Variants in PROB1 observed in about 807,000 individuals in gnomAD.
The protein encoded by PROB1 is proline-rich basic protein 1.
For synonymous variants in PROB1, 660 were observed against 699.3 expected, an observed-to-expected ratio of 0.94 and a Z score of 0.89; for missense variants, 1,453 against 1,485.7, an observed-to-expected ratio of 0.98 and a Z score of 0.36.
Position 139,391,756 on chromosome 5 carries a change from A to T in PROB1, c.*278T>A. ...TTTGCTTGCCCGCATATACACATATACACACACCCACACACCACACCACAC... is the reference window on the plus strand; with the variant it reads ...TTTGCTTGCCCGCATATACACATATTCACACACCCACACACCACACCACAC... On this transcript the variant is annotated 3_prime_UTR_variant, in exon 1 of 1. Coordinates refer to ENST00000434752, the MANE Select transcript of PROB1 (RefSeq NM_001161546.2). This position sits in a 1 kb window ranked among gnomAD's most constrained non-coding sequence, Gnocchi z 4.8. 1 of 362,434 alleles carries T rather than the reference A, an allele frequency of 2.8e-6. No homozygotes were observed. Among genetic ancestry groups the T allele is most frequent in the Non-Finnish European group, 4.9e-6 (1 of 202,484 alleles). 22.5% of individuals were successfully genotyped at this position (362,434 alleles called of 1,614,324 possible).
Position 139,393,957 on chromosome 5 carries a change from A to G in PROB1, c.1125T>C (p.Phe375=), listed in dbSNP as rs898099671. 4.8e-5 allele frequency: 74 copies of G among 1,550,554 alleles called. No homozygotes were observed. The Admixed American group carries it at 1.4e-3, about 30-fold the overall frequency. Residue 375 remains phenylalanine, a synonymous_variant, in exon 1 of 1, where the codon TTT becomes TTC. Transcript: ENST00000434752. The stretch of plus-strand genomic sequence containing the variant: ...GAACCTCCGAGGGGATCCTACACTC[A>G]AAAGGCGGACTCCGTGCCCTCTGAA... ...RTVQRARSPP[F]ECRIPSEVPS...
In PROB1 at chr5:139,392,354, T is replaced by C; in HGVS notation, c.2728A>G (p.Ser910Gly). Reference sequence around the variant, plus strand: ...AGCAACACCTCCACGTACTGCCCACTCTCAGGGTCGAAGAGCACCCGCAGC... The same window carrying C: ...AGCAACACCTCCACGTACTGCCCACCCTCAGGGTCGAAGAGCACCCGCAGC... ...PRLRVLFDPE[S>G]GQYVEVLLPP... Residue 910 changes from serine (S) to glycine (G), a missense_variant, in exon 1 of 1, where the codon AGT becomes GGT. Coordinates refer to ENST00000434752, the MANE Select transcript of PROB1 (RefSeq NM_001161546.2). The surrounding 1 kb of genome is among the most constrained non-coding windows in gnomAD (Gnocchi z 5.8). The C allele has an allele frequency of 7.2e-6, 11 of 1,529,978 alleles. No individual in the cohort carries two copies. The highest frequency in any genetic ancestry group is 1.4e-5 in the African/African-American group (1 of 71,602). The allele number at this position is 1,529,978 out of a possible 1,614,324, so 94.8% of individuals were successfully genotyped here.
At position 139,392,424 on chromosome 5, in the gene PROB1, G is replaced by C; in HGVS notation, c.2658C>G (p.Pro886=). The change falls in exon 1 of 1, where the codon CCC becomes CCG. Residue 886 remains proline, a synonymous_variant. Transcript: ENST00000434752. This position sits in a 1 kb window ranked among gnomAD's most constrained non-coding sequence, Gnocchi z 5.8. ...AAPLGKVLVD[P]ESGRYYFVEA... is the part of the protein sequence containing the mutation. ...CCACAAAGTAGTAGCGGCCGCTCTC[G>C]GGGTCCACCAAGACCTTCCCCAGGG... is the stretch of plus-strand genomic sequence containing the variant. The C allele has an allele frequency of 2.0e-6, 3 of 1,494,122 alleles. No individual in the cohort carries two copies. The highest frequency in any genetic ancestry group is 2.7e-6 in the Non-Finnish European group (3 of 1,124,376). The allele number at this position is 1,494,122 out of a possible 1,614,324, so 92.6% of individuals were successfully genotyped here. A position where few individuals can be genotyped will look rare whatever the true frequency, so the allele number is the denominator to read the frequency against.
In PROB1 at chr5:139,393,199, C is replaced by T. The variant is rs756792252; in HGVS notation, c.1883G>A (p.Arg628His). 9.0e-6 allele frequency: 14 copies of T among 1,549,436 alleles called. No individual in the cohort carries two copies. The highest frequency in any genetic ancestry group is 7.1e-5 in the South Asian group (6 of 84,046). ...RMAIPRPRDVRKLVKTTYAPG... is the reference protein window; with the variant it reads ...RMAIPRPRDVHKLVKTTYAPG... ...CGCGTACGTGGTCTTCACCAACTTG[C>T]GCACGTCTCGAGGCCGCGGAATGGC... The change falls in exon 1 of 1, where the codon CGC becomes CAC. Residue 628 changes from arginine (R) to histidine (H), a missense_variant. By Grantham distance (29) the Arg-to-His change is conservative (BLOSUM62 0). Transcript: ENST00000434752.
rs1758617890 is a variant in PROB1, at chr5:139,392,636, G to C, written c.2446C>G (p.Pro816Ala). 7.2e-7 allele frequency: 1 copy of C among 1,389,224 alleles called. No individual in the cohort carries two copies. The highest frequency in any genetic ancestry group is 9.3e-7 in the Non-Finnish European group (1 of 1,073,010). 86.1% of individuals were successfully genotyped at this position (1,389,224 alleles called of 1,614,324 possible). Residue 816 changes from proline to alanine, a missense_variant, in exon 1 of 1, where the codon CCC (proline) becomes GCC (alanine). Pro to Ala is a conservative substitution (Grantham distance 27, BLOSUM62 -1). Coordinates refer to ENST00000434752, the MANE Select transcript of PROB1 (RefSeq NM_001161546.2). The surrounding 1 kb of genome is among the most constrained non-coding windows in gnomAD (Gnocchi z 5.8). ...MQASPSPGIA[P>A]KPKTPPTAPE... ...GCCGTAGGTGGTGTCTTCGGTTTGG[G>C]TGCTATCCCAGGGCTCGGGCTGGCT...
Position 139,392,618 on chromosome 5 carries a change from G to A in PROB1, c.2464C>T (p.Pro822Ser), listed in dbSNP as rs890285934. 3 of 1,380,676 alleles carry A rather than the reference G, an allele frequency of 2.2e-6. No homozygotes were observed. The highest frequency in any genetic ancestry group is 1.5e-5 in the African/African-American group (1 of 65,332). 85.5% of individuals were successfully genotyped at this position (1,380,676 alleles called of 1,614,324 possible). A position where few individuals can be genotyped will look rare whatever the true frequency, so the allele number is the denominator to read the frequency against. ...GCAGCCGCGGGCTCGGGGGCCGTAGGTGGTGTCTTCGGTTTGGGTGCTATC... is the reference window on the plus strand; with the variant it reads ...GCAGCCGCGGGCTCGGGGGCCGTAGATGGTGTCTTCGGTTTGGGTGCTATC... Reference protein sequence around the residue: ...PGIAPKPKTPPTAPEPAAAVQ... With the variant: ...PGIAPKPKTPSTAPEPAAAVQ... Residue 822 changes from proline (P) to serine (S), a missense_variant, in exon 1 of 1, where the codon CCT becomes TCT. Transcript: ENST00000434752. The surrounding 1 kb of genome is among the most constrained non-coding windows in gnomAD (Gnocchi z 5.8).
rs772602044 is a variant in PROB1, at chr5:139,393,509, T to A, written c.1573A>T (p.Met525Leu). 1.9e-6 allele frequency: 3 copies of A among 1,551,498 alleles called. No individual in the cohort carries two copies. The South Asian group carries it at 3.6e-5, about 18-fold the overall frequency. The change falls in exon 1 of 1, where the codon ATG becomes TTG. Residue 525 changes from methionine (M) to leucine (L), a missense_variant. Physicochemically the swap from Met to Leu is conservative, Grantham distance 15 (BLOSUM62 2). Coordinates refer to ENST00000434752, the MANE Select transcript of PROB1 (RefSeq NM_001161546.2). ...GPSPQETWDP[M>L]GPGSSIAFTQ... ...AATGCTATCGATGAGCCCGGCCCCA[T>A]GGGATCCCATGTCTCTTGGGGAGAT...
Position 139,391,741 on chromosome 5 carries a change from C to A in PROB1, c.*293G>T. The A allele has an allele frequency of 3.1e-6, 1 of 323,880 alleles. No individual in the cohort carries two copies. The highest frequency in any genetic ancestry group is 5.6e-6 in the Non-Finnish European group (1 of 178,096). 20.1% of individuals were successfully genotyped at this position (323,880 alleles called of 1,614,324 possible). On this transcript the variant is annotated 3_prime_UTR_variant, in exon 1 of 1. Coordinates refer to ENST00000434752, the MANE Select transcript of PROB1 (RefSeq NM_001161546.2). This position sits in a 1 kb window ranked among gnomAD's most constrained non-coding sequence, Gnocchi z 4.8. ...GCCTCACTTTCCCTATTTGCTTGCCCGCATATACACATATACACACACCCA... is the reference window on the plus strand; with the variant it reads ...GCCTCACTTTCCCTATTTGCTTGCCAGCATATACACATATACACACACCCA...
In PROB1 at chr5:139,394,691, C is replaced by T. The variant is rs1561990044; in HGVS notation, c.391G>A (p.Ala131Thr). Residue 131 changes from alanine (A) to threonine (T), a missense_variant, in exon 1 of 1, where the codon GCG (alanine) becomes ACG (threonine). Ala to Thr is a moderately conservative substitution (Grantham distance 58). Transcript: ENST00000434752. ...FGCSGADDRE[A>T]QQQFTEPAFI... ...GCCGGCTCCGTGAACTGTTGTTGCGCCTCGCGATCGTCTGCGCCGGAGCAG... is the reference window on the plus strand; with the variant it reads ...GCCGGCTCCGTGAACTGTTGTTGCGTCTCGCGATCGTCTGCGCCGGAGCAG... The T allele has an allele frequency of 1.3e-6, 2 of 1,533,892 alleles. No homozygotes were observed. The highest frequency in any genetic ancestry group is 2.5e-5 in the East Asian group (1 of 40,348).
Position 139,392,181 on chromosome 5 carries a change from G to C in PROB1, c.2901C>G (p.Pro967=). 1 of 1,409,752 alleles carries C rather than the reference G, an allele frequency of 7.1e-7. No individual in the cohort carries two copies. The highest frequency in any genetic ancestry group is 9.3e-7 in the Non-Finnish European group (1 of 1,076,146). 87.3% of individuals were successfully genotyped at this position (1,409,752 alleles called of 1,614,324 possible). A position where few individuals can be genotyped will look rare whatever the true frequency, so the allele number is the denominator to read the frequency against. The change falls in exon 1 of 1, where the codon CCC becomes CCG. Residue 967 remains proline (P), a synonymous_variant. Coordinates refer to ENST00000434752, the MANE Select transcript of PROB1 (RefSeq NM_001161546.2). This position sits in a 1 kb window ranked among gnomAD's most constrained non-coding sequence, Gnocchi z 5.8. The part of the protein sequence containing the change: ...GPQALGSPQL[P]WVSEAGPLDG... ...CCAGGGGCCCTGCCTCAGAGACCCA[G>C]GGTAGCTGGGGGCTGCCGAGGGCCT...
chr5:139,395,070 C>T lies in PROB1; in HGVS notation c.12G>A (p.Ala4=). 2.1e-6 allele frequency: 3 copies of T among 1,407,518 alleles called. No homozygotes were observed. The highest frequency in any genetic ancestry group is 1.6e-5 in the South Asian group (1 of 63,700). The allele number at this position is 1,407,518 out of a possible 1,614,324, so 87.2% of individuals were successfully genotyped here. A position where few individuals can be genotyped will look rare whatever the true frequency, so the allele number is the denominator to read the frequency against. Residue 4 remains alanine (A), a synonymous_variant, in exon 1 of 1, where the codon GCG becomes GCA. Coordinates refer to ENST00000434752, the MANE Select transcript of PROB1 (RefSeq NM_001161546.2). The stretch of plus-strand genomic sequence containing the variant: ...TCCCAGGCAGGGCTGGCGGGGCGAG[C>T]GCGGTCAGCATGGTGGGGCCGGACG... MLT[A]LAPPALPGIP...
At position 139,392,719 on chromosome 5, in the gene PROB1, C is replaced by A. The variant is rs1191468334; in HGVS notation, c.2363G>T (p.Arg788Leu). ...GACCCCTGCTGGCCCTACGGGGGAG[C>A]GCTGGGATGAGCTGCGGGCGCCGCC... ...PLGGARSSSQ[R>L]SPVGPAGVRS... Residue 788 changes from arginine (R) to leucine (L), a missense_variant, in exon 1 of 1, where the codon CGC becomes CTC. Transcript: ENST00000434752. The surrounding 1 kb of genome is among the most constrained non-coding windows in gnomAD (Gnocchi z 5.8). The A allele has an allele frequency of 3.6e-6, 5 of 1,407,508 alleles. No individual in the cohort carries two copies. In the African/African-American group the frequency reaches 6.1e-5, roughly 17 times the overall value. The allele number at this position is 1,407,508 out of a possible 1,614,324, so 87.2% of individuals were successfully genotyped here. A position where few individuals can be genotyped will look rare whatever the true frequency, so the allele number is the denominator to read the frequency against.
In PROB1 at chr5:139,393,721, G is replaced by T. The variant is rs1407322738; in HGVS notation, c.1361C>A (p.Ser454Tyr). 6.4e-7 allele frequency: 1 copy of T among 1,551,324 alleles called. No homozygotes were observed. The highest frequency in any genetic ancestry group is 8.7e-7 in the Non-Finnish European group (1 of 1,146,982). The change falls in exon 1 of 1, where the codon TCC becomes TAC. Residue 454 changes from serine (S) to tyrosine (Y), a missense_variant. Coordinates refer to ENST00000434752, the MANE Select transcript of PROB1 (RefSeq NM_001161546.2). ...ATTCCACTGGGAAAGGATCGGAGGG[G>T]AAGGGCTTCTCCTGCTGACAGTTTC... ...VEETVSRRSP[S>Y]PPILSQWNQC...
chr5:139,392,762 C>G lies in PROB1; in HGVS notation c.2320G>C (p.Gly774Arg). The G allele has an allele frequency of 6.9e-7, 1 of 1,438,934 alleles. No homozygotes were observed. Among genetic ancestry groups the G allele is most frequent in the East Asian group, 2.7e-5 (1 of 37,480 alleles). The allele number at this position is 1,438,934 out of a possible 1,614,324, so 89.1% of individuals were successfully genotyped here. ...GCGCCGCCTAGAGGGCTGGTCCGAC[C>G]GTCGCCGTCGGGGACCAGGCGCTGG... ...EAQRLVPDGD[G>R]RTSPLGGARS... The change falls in exon 1 of 1, where the codon GGT becomes CGT. Residue 774 changes from glycine to arginine, a missense_variant. By Grantham distance (125) the Gly-to-Arg change is moderately radical. Coordinates refer to ENST00000434752, the MANE Select transcript of PROB1 (RefSeq NM_001161546.2). The surrounding 1 kb of genome is among the most constrained non-coding windows in gnomAD (Gnocchi z 5.8).
Position 139,393,011 on chromosome 5 carries a change from C to G in PROB1, c.2071G>C (p.Val691Leu). Residue 691 changes from valine (V) to leucine (L), a missense_variant, in exon 1 of 1, where the codon GTG becomes CTG. Coordinates refer to ENST00000434752, the MANE Select transcript of PROB1 (RefSeq NM_001161546.2). Reference sequence around the variant, plus strand: ...TCAGGAGGCTCGTAGGGGTGCGGCACCACCGGTAGAAAATCCTTGATGAAA... The same window carrying G: ...TCAGGAGGCTCGTAGGGGTGCGGCAGCACCGGTAGAAAATCCTTGATGAAA... ...SVFIKDFLPV[V>L]PHPYEPPEPS... 2 of 1,521,376 alleles carry G rather than the reference C, an allele frequency of 1.3e-6. No individual in the cohort carries two copies. Among genetic ancestry groups the G allele is most frequent in the Non-Finnish European group, 1.8e-6 (2 of 1,132,520 alleles). The allele number at this position is 1,521,376 out of a possible 1,614,324, so 94.2% of individuals were successfully genotyped here.
chr5:139,394,667 C>T lies in PROB1; in HGVS notation c.415G>A (p.Ala139Thr). 6.5e-7 allele frequency: 1 copy of T among 1,534,778 alleles called. No homozygotes were observed. The highest frequency in any genetic ancestry group is 2.5e-5 in the East Asian group (1 of 40,550). ...REAQQQFTEP[A>T]FISPLPPGPA... ...CCCGGCGGCAAGGGGCTGATGAAGGCCGGCTCCGTGAACTGTTGTTGCGCC... is the reference window on the plus strand; with the variant it reads ...CCCGGCGGCAAGGGGCTGATGAAGGTCGGCTCCGTGAACTGTTGTTGCGCC... Residue 139 changes from alanine (A) to threonine (T), a missense_variant, in exon 1 of 1, where the codon GCC becomes ACC. Ala to Thr is a moderately conservative substitution (Grantham distance 58). Coordinates refer to ENST00000434752, the MANE Select transcript of PROB1 (RefSeq NM_001161546.2).
rs1423441390 is a variant in PROB1 at position 139,394,973 on chromosome 5, C to A, written c.109G>T (p.Ala37Ser). 3 of 1,518,458 alleles carry A rather than the reference C, an allele frequency of 2.0e-6. No homozygotes were observed. The highest frequency in any genetic ancestry group is 1.8e-6 in the Non-Finnish European group (2 of 1,134,700). 94.1% of individuals were successfully genotyped at this position (1,518,458 alleles called of 1,614,324 possible). A position where few individuals can be genotyped will look rare whatever the true frequency, so the allele number is the denominator to read the frequency against. ...TCCGGGGGCTCCGGAGAACCTGGAGCCGTGTAGTAGGAGCCTGACGAACCG... is the reference window on the plus strand; with the variant it reads ...TCCGGGGGCTCCGGAGAACCTGGAGACGTGTAGTAGGAGCCTGACGAACCG... ...SSGSSGSYYT[A>S]PGSPEPPDVG... is the part of the protein sequence containing the mutation. Residue 37 changes from alanine (A) to serine (S), a missense_variant, in exon 1 of 1, where the codon GCT (alanine) becomes TCT (serine). Physicochemically the swap from Ala to Ser is moderately conservative, Grantham distance 99 (BLOSUM62 1). Transcript: ENST00000434752.
At position 139,393,502 on chromosome 5, in the gene PROB1, G is replaced by A; in HGVS notation, c.1580C>T (p.Pro527Leu). ...SPQETWDPMGPGSSIAFTQEA... is the reference protein window; with the variant it reads ...SPQETWDPMGLGSSIAFTQEA... ...CTGAGTAAATGCTATCGATGAGCCC[G>A]GCCCCATGGGATCCCATGTCTCTTG... Residue 527 changes from proline (P) to leucine (L), a missense_variant, in exon 1 of 1, where the codon CCG becomes CTG. Pro to Leu is a moderately conservative substitution (Grantham distance 98, BLOSUM62 -3). Coordinates refer to ENST00000434752, the MANE Select transcript of PROB1 (RefSeq NM_001161546.2). 6.4e-7 allele frequency: 1 copy of A among 1,551,522 alleles called. No homozygotes were observed.
Position 139,394,723 on chromosome 5 carries a change from A to G in PROB1, c.359T>C (p.Leu120Pro), listed in dbSNP as rs1227163866. The G allele has an allele frequency of 6.5e-7, 1 of 1,532,026 alleles. No individual in the cohort carries two copies. Among genetic ancestry groups the G allele is most frequent in the Non-Finnish European group, 8.7e-7 (1 of 1,143,900 alleles). 94.9% of individuals were successfully genotyped at this position (1,532,026 alleles called of 1,614,324 possible). A position where few individuals can be genotyped will look rare whatever the true frequency, so the allele number is the denominator to read the frequency against. Reference sequence around the variant, plus strand: ...ATCGTCTGCGCCGGAGCAGCCGAACAGGGGTCCGACGCCGAAGATGACTTC... The same window carrying G: ...ATCGTCTGCGCCGGAGCAGCCGAACGGGGGTCCGACGCCGAAGATGACTTC... ...EMEVIFGVGPLFGCSGADDRE... is the reference protein window; with the variant it reads ...EMEVIFGVGPPFGCSGADDRE... The change falls in exon 1 of 1, where the codon CTG becomes CCG. Residue 120 changes from leucine (L) to proline (P), a missense_variant. By Grantham distance (98) the Leu-to-Pro change is moderately conservative (BLOSUM62 -3). Transcript: ENST00000434752.
Sources: gnomAD v4.1 joint callset for allele counts on GRCh38, gnomAD v4.1.1 for gene constraint, Gnocchi (gnomAD v3.1) non-coding constraint, MANE v1.5 for transcripts, NCBI Gene and HGNC (gene_info 2026-07-23, HGNC 2026-07-21) for gene names.